Variants in RIN3 observed in about 807,000 individuals in gnomAD.
RIN3 encodes the protein RAB5 interacting protein 3.
A neutral mutation model predicts 76.3 loss-of-function variants in RIN3; 54 were observed. The ratio of observed to expected loss-of-function variants is 0.71; its 90% CI spans 0.57 to 0.89. RIN3 has a LOEUF of 0.89. Ranked by LOEUF, RIN3 falls within the 40% of genes least tolerant of loss-of-function variation. The pLI is 0.00. For synonymous variants in RIN3, 576 were observed against 564.0 expected (o/e 1.02, Z -0.30); for missense variants, 1,256 against 1,322.1 (o/e 0.95, Z 0.78).
intron 5 of RIN3, among the ~76,000 whole-genome samples, chr14:92,646,322 A>G (rs1566883844): frequency 2.6e-5 from 4 of 152,212 alleles, no homozygotes; most frequent in African/African-American, 9.6e-5. Context: ...TGGCATTGGG[A>G]TAGGCAGGGT....
In RIN3 at chr14:92,651,756, A is replaced by C; in HGVS notation, c.707A>C (p.Asn236Thr). The change falls in exon 6 of 10, where the codon AAT becomes ACT. Residue 236 changes from asparagine to threonine, a missense_variant. Around this residue, in one of 3 missense-constraint regions of RIN3, gnomAD observed 610 missense variants for 626.4 expected, o/e 0.97. Coordinates refer to ENST00000216487, the MANE Select transcript of RIN3 (RefSeq NM_024832.5). ...GGAAATGACCGCCTGTGGTTTGTGA[A>C]TCCTATTTTCATCGAGGACTGCAGC... ...SVGNDRLWFV[N>T]PIFIEDCSSA... 6.2e-7 allele frequency: 1 copy of C among 1,614,004 alleles called. No homozygotes were observed. The highest frequency in any genetic ancestry group is 8.5e-7 in the Non-Finnish European group (1 of 1,179,992).
chr14:92,678,054 T>G (rs1459284237), intron 8 of RIN3, among the ~76,000 whole-genome samples: 2 of 140,738 alleles, frequency 1.4e-5, no homozygotes, highest in African/African-American at 5.3e-5. Flanking sequence ...CACCAATCCA[T>G]CATTCATCCA....
At chr14:92,601,597 C>T (rs1885347506) in intron 3 of RIN3, among the ~76,000 whole-genome samples, 1 of 152,196 alleles carries the variant, frequency 6.6e-6, no homozygotes, top group Non-Finnish European at 1.5e-5. Context: ...TCTCCCCGTC[C>T]CCTCTGCTCC....
At position 92,685,128 on chromosome 14, in the gene RIN3, G is replaced by C; in HGVS notation, c.2609G>C (p.Arg870Pro). 6.2e-7 allele frequency: 1 copy of C among 1,612,354 alleles called. No homozygotes were observed. The highest frequency in any genetic ancestry group is 1.1e-5 in the South Asian group (1 of 90,990). Residue 870 changes from arginine to proline, a missense_variant, in exon 9 of 10, where the codon CGG becomes CCG. Transcript: ENST00000216487. The surrounding 1 kb of genome is among the most constrained non-coding windows in gnomAD (Gnocchi z 4.7). ...WERRRTLNKARASRSSVQDFI... is the reference protein window; with the variant it reads ...WERRRTLNKAPASRSSVQDFI... ...CGCCGGCGTACTCTCAACAAGGCCC[G>C]GGCCTCCCGCTCCTCCGTACAGGTG...
At chr14:92,566,928 T>TA (rs1032013267) in intron 2 of RIN3, among the ~76,000 whole-genome samples, 1 of 152,196 alleles carries the variant, frequency 6.6e-6, no homozygotes, top group African/African-American at 2.4e-5. Flanking sequence ...TGCAGGTATC[T>TA]AAAATCCCTA....
At chr14:92,645,246 C>T (rs556083811) in intron 5 of RIN3, 2 of 152,256 alleles carry the variant, frequency 1.3e-5, no homozygotes, top group Admixed American at 1.3e-4. Context: ...GTGATGAGGC[C>T]CTGTGAGCCA....
At chr14:92,551,939 G>A (rs1291064579) in intron 1 of RIN3, among the ~76,000 whole-genome samples, 1 of 152,146 alleles carries the variant, frequency 6.6e-6, no homozygotes, top group Non-Finnish European at 1.5e-5. Context: ...TAATGCTTTT[G>A]CCTGCCAGTT....
intron 7 of RIN3, among the ~76,000 whole-genome samples, chr14:92,663,882 A>G (rs4900140): frequency 0.24 from 36,426 of 152,094 alleles, 5,277 homozygotes; most frequent in African/African-American, 0.39. Flanking sequence ...AGGGGCTGGG[A>G]CAGCACATGG....
intron 3 of RIN3, among the ~76,000 whole-genome samples, chr14:92,586,893 C>T (rs1218458281): frequency 6.6e-6 from 1 of 151,964 alleles, no homozygotes; most frequent in African/African-American, 2.4e-5. Context: ...GGGCCTTGGA[C>T]GATGGAAAAT....
At chr14:92,621,313 A>G (rs956156131) in intron 4 of RIN3, among the ~76,000 whole-genome samples, 4 of 151,568 alleles carry the variant, frequency 2.6e-5, no homozygotes, top group African/African-American at 9.7e-5. Context: ...CTGTCGATGA[A>G]GAGTCAAACT....
chr14:92,577,954 T>G (rs1433887418), intron 3 of RIN3, among the ~76,000 whole-genome samples: 1 of 152,100 alleles, frequency 6.6e-6, no homozygotes, highest in Non-Finnish European at 1.5e-5. Flanking sequence ...AAGACAAAAA[T>G]CTGGGCCAGG....
intron 8 of RIN3, among the ~76,000 whole-genome samples, chr14:92,677,956 C>T (rs1377590056): frequency 6.6e-6 from 1 of 151,712 alleles, no homozygotes; most frequent in Non-Finnish European, 1.5e-5. Context: ...ACCACCTACC[C>T]ACCCACGTAT....
At chr14:92,545,582 CTT>C (rs11324822) in intron 1 of RIN3, among the ~76,000 whole-genome samples, 27,419 of 114,710 alleles carry the variant, frequency 0.24, 2,396 homozygotes, top group Middle Eastern at 0.37. Flanking sequence ...TTTTCTTTTT[CTT>C]TTTTTTTTTT....
chr14:92,573,069 A>G (rs1013282103), intron 2 of RIN3, among the ~76,000 whole-genome samples: 1 of 151,786 alleles, frequency 6.6e-6, no homozygotes, highest in Non-Finnish European at 1.5e-5. Context: ...GTTAGTAGAA[A>G]TGGGGTTTCA....
At position 92,659,402 on chromosome 14, in the gene RIN3, G is replaced by A. The variant is rs1480539822; in HGVS notation, c.2268G>A (p.Glu756=). ...GCATGCACAAGGCCTACTCACCTGAGAAGAAGATCTCCATCCTGCTCAAGA... is the reference window on the plus strand; with the variant it reads ...GCATGCACAAGGCCTACTCACCTGAAAAGAAGATCTCCATCCTGCTCAAGA... ...FTSMHKAYSP[E]KKISILLKTC... is the part of the protein sequence containing the mutation. The change falls in exon 7 of 10, where the codon GAG becomes GAA. Residue 756 remains glutamate (E), a synonymous_variant. Coordinates refer to ENST00000216487, the MANE Select transcript of RIN3 (RefSeq NM_024832.5). 10 of 1,613,552 alleles carry A rather than the reference G, an allele frequency of 6.2e-6. No individual in the cohort carries two copies. In the Admixed American group the frequency reaches 1.0e-4, roughly 16 times the overall value.
In RIN3 at chr14:92,525,037, G is replaced by A. The variant is rs527362721; in HGVS notation, c.44+11061G>A. ...CTGCAGGGCCGCTGTACACCGTTGC[G>A]CAGGTTGTTTACTGCTCACGTGTTC... On this transcript the variant is annotated intron_variant, in intron 1 of 9. Coordinates refer to ENST00000216487, the MANE Select transcript of RIN3 (RefSeq NM_024832.5). Among the ~76,000 whole-genome samples, 5 of 152,350 alleles carry A rather than the reference G, an allele frequency of 3.3e-5. No individual in the cohort carries two copies. The East Asian group carries it at 5.8e-4, about 18-fold the overall frequency.
rs1461986249 is a variant in RIN3, at chr14:92,561,042, A to ATATATATATAT, written c.249+5087_249+5088insTATATATATAT. Among the ~76,000 whole-genome samples the ATATATATATAT allele has an allele frequency of 8.6e-3, 166 of 19,340 alleles. 9 individuals carry two copies. The highest frequency in any genetic ancestry group is 0.025 in the African/African-American group (150 of 5,958). 12.7% of individuals were successfully genotyped at this position (19,340 alleles called of 152,430 possible). ...GTCTAAAAAAAAAAAAAAAAAAAAA[A>ATATATATATAT]AAATATATATATATCTGCCATATAT... is the stretch of plus-strand genomic sequence containing the variant. On this transcript the variant is annotated intron_variant, in intron 2 of 9. Transcript: ENST00000216487.
chr14:92,658,341 G>C (rs536695435), intron 6 of RIN3, among the ~76,000 whole-genome samples: 1 of 152,350 alleles, frequency 6.6e-6, no homozygotes, highest in South Asian at 2.1e-4. Flanking sequence ...CAGGAGCAAA[G>C]GCCCCGGGGC....
intron 2 of RIN3, among the ~76,000 whole-genome samples, chr14:92,577,138 G>A (rs1414837562): frequency 6.6e-6 from 1 of 152,144 alleles, no homozygotes; most frequent in Non-Finnish European, 1.5e-5. Context: ...CCCGTCAGTG[G>A]GCAAATGAGA....
Sources: gnomAD v4.1 joint callset for allele counts (sites outside exome capture counted in the v4.1 genomes callset) on GRCh38, gnomAD v4.1.1 for gene constraint, gnomAD v4.1.1 regional missense constraint, Gnocchi (gnomAD v3.1) non-coding constraint, MANE v1.5 for transcripts, NCBI Gene and HGNC (gene_info 2026-07-23, HGNC 2026-07-21) for gene names.